Variants in AFF3 observed in about 807,000 individuals in gnomAD.
AFF3 encodes the protein ALF transcription elongation factor 3, also known as AF4/FMR2 family member 3.
In AFF3, 32 loss-of-function variants were observed where a neutral mutation model predicts 129.7. The observed-to-expected ratio is 0.25, with a 90% CI of 0.19 to 0.33. The LOEUF (loss-of-function observed/expected upper bound fraction) is 0.33. Ranked by LOEUF, AFF3 falls within the 10% of genes least tolerant of loss-of-function variation. AFF3 has a pLI of 1.00. For missense variants in AFF3, 1,373 were observed against 1,592.0 expected, an observed-to-expected ratio of 0.86 and a Z score of 2.34; for synonymous variants, 644 against 635.4, an observed-to-expected ratio of 1.01 and a Z score of -0.20.
chr2:99,660,871 TG>T (rs1233939281), intron 12 of AFF3, among the ~76,000 whole-genome samples: 1 of 152,222 alleles, frequency 6.6e-6, no homozygotes, highest in Admixed American at 6.5e-5. Context: ...GGACCTTGAA[TG>T]ATCACACATG....
At chr2:99,750,997 A>ATCAAC (rs1441282230) in intron 9 of AFF3, among the ~76,000 whole-genome samples, 2 of 152,250 alleles carry the variant, frequency 1.3e-5, no homozygotes, top group Non-Finnish European at 2.9e-5. Flanking sequence ...TGTAAGAAAA[A>ATCAAC]TCAACTCTTA....
chr2:99,845,810 T>C (rs1372118045), intron 7 of AFF3, among the ~76,000 whole-genome samples: 1 of 152,154 alleles, frequency 6.6e-6, no homozygotes, highest in Admixed American at 6.5e-5. Context: ...TTTTCCTGAA[T>C]CTTTATTTTA....
intron 4 of AFF3, among the ~76,000 whole-genome samples, chr2:100,014,265 T>C (rs941072762): frequency 1.3e-5 from 2 of 152,164 alleles, no homozygotes; most frequent in African/African-American, 4.8e-5. Context: ...ACTACTGATA[T>C]GTCTCCAGGG....
chr2:100,099,365 T>A (rs1690542763), intron 4 of AFF3, among the ~76,000 whole-genome samples: 1 of 152,216 alleles, frequency 6.6e-6, no homozygotes, highest in Non-Finnish European at 1.5e-5. Context: ...GCATGCCCCC[T>A]GGCAGTTGAT....
intron 11 of AFF3, among the ~76,000 whole-genome samples, chr2:99,725,292 A>T (rs1340229139): frequency 6.6e-6 from 1 of 151,904 alleles, no homozygotes; most frequent in Non-Finnish European, 1.5e-5. Context: ...ATTTTCATAG[A>T]TGTTATAAGA....
At chr2:99,649,028 C>CA (rs1376670799) in intron 13 of AFF3, among the ~76,000 whole-genome samples, 6 of 152,048 alleles carry the variant, frequency 3.9e-5, no homozygotes, top group African/African-American at 1.4e-4. Context: ...TACATACCCA[C>CA]ATTCAACTAT....
rs35944169 is a variant in AFF3 at position 99,681,908 on chromosome 2, AT to A, written c.1092-9320del. Among the ~76,000 whole-genome samples, 143 of 139,506 alleles carry A rather than the reference AT, an allele frequency of 1.0e-3. 2 individuals are homozygous for A. The highest frequency in any genetic ancestry group is 2.7e-3 in the African/African-American group (99 of 37,224). The allele number at this position is 139,506 out of a possible 152,430, so 91.5% of individuals were successfully genotyped here. On this transcript the variant is annotated intron_variant, in intron 11 of 24. Transcript: ENST00000672756. ...GGTTGAGAACCACTGCCTTAATTCT[AT>A]TTTTTTTTTTTTTTTGAGACGGAGT...
At chr2:100,127,742 G>T (rs757575644) in intron 2 of AFF3, among the ~76,000 whole-genome samples, 1 of 152,170 alleles carries the variant, frequency 6.6e-6, no homozygotes, top group Admixed American at 6.5e-5. Context: ...AGTTCTTCAC[G>T]GAGTAGGTAG....
intron 4 of AFF3, among the ~76,000 whole-genome samples, chr2:100,102,090 G>C (rs1417239894): frequency 6.6e-6 from 1 of 151,988 alleles, no homozygotes; most frequent in Non-Finnish European, 1.5e-5. Context: ...ATTCAAATAA[G>C]AAAACAATGG....
In AFF3 at chr2:99,727,087, A is replaced by G. The variant is rs1679418691; in HGVS notation, c.1081T>C (p.Ser361Pro). The G allele has an allele frequency of 1.2e-6, 2 of 1,605,868 alleles. No homozygotes were observed. Among genetic ancestry groups the G allele is most frequent in the Non-Finnish European group, 1.7e-6 (2 of 1,177,970 alleles). ...ATGAAAGAAACTTACGATGTATTCGATGTGCCATTGTCTGGACTCTCTGGC... is the reference window on the plus strand; with the variant it reads ...ATGAAAGAAACTTACGATGTATTCGGTGTGCCATTGTCTGGACTCTCTGGC... ...AEPESPDNGT[S>P]NTSMLEDDLK... The change falls in exon 11 of 25, where the codon TCG (serine) becomes CCG (proline). Residue 361 changes from serine to proline, a missense_variant. Ser to Pro is a moderately conservative substitution (Grantham distance 74, BLOSUM62 -1). Transcript: ENST00000672756.
At chr2:99,720,023 C>T (rs1393239835) in intron 11 of AFF3, among the ~76,000 whole-genome samples, 3 of 152,014 alleles carry the variant, frequency 2.0e-5, no homozygotes, top group Non-Finnish European at 2.9e-5. Flanking sequence ...GGTGACAGAG[C>T]GAGACTCCGT....
rs770606453 is a variant in AFF3 at position 99,672,520 on chromosome 2, CAT to C, written c.1143+16_1143+17del. 1 of 1,612,732 alleles carries C rather than the reference CAT, an allele frequency of 6.2e-7. No individual in the cohort carries two copies. Among genetic ancestry groups the C allele is most frequent in the African/African-American group, 1.3e-5 (1 of 74,990 alleles). ...CAGTGTCACCTCCAAAGGATGATGA[CAT>C]AAAAGAGAATCTTACCTGTTCATTC... On this transcript the variant is annotated intron_variant, in intron 12 of 24. Coordinates refer to ENST00000672756, the MANE Select transcript of AFF3 (RefSeq NM_001386135.1).
At chr2:99,649,604 T>A in intron 13 of AFF3, 22 bp downstream of exon 13, 1 of 1,611,976 alleles carries the variant, frequency 6.2e-7, no homozygotes, top group Non-Finnish European at 8.5e-7. Flanking sequence ...AATTTATAGT[T>A]CATAAAAATG....
At chr2:99,742,221 G>A (rs1680777822) in intron 10 of AFF3, among the ~76,000 whole-genome samples, 1 of 152,116 alleles carries the variant, frequency 6.6e-6, no homozygotes, top group Non-Finnish European at 1.5e-5. Context: ...GTATGTGCCT[G>A]TAGTCCTGGC....
At chr2:100,025,133 T>G (rs1007176331) in intron 4 of AFF3, among the ~76,000 whole-genome samples, 3 of 152,084 alleles carry the variant, frequency 2.0e-5, no homozygotes, top group African/African-American at 7.2e-5. Flanking sequence ...ACCAGGATCC[T>G]GGCTTTCCCT....
At chr2:99,837,949 T>C (rs981347121) in intron 7 of AFF3, among the ~76,000 whole-genome samples, 2 of 152,210 alleles carry the variant, frequency 1.3e-5, no homozygotes, top group Admixed American at 6.5e-5. Flanking sequence ...CAATGGTTGC[T>C]ACGGCTTAAG....
chr2:99,774,345 T>G (rs1683724745), intron 8 of AFF3, among the ~76,000 whole-genome samples: 1 of 152,122 alleles, frequency 6.6e-6, no homozygotes, highest in Non-Finnish European at 1.5e-5. Flanking sequence ...TAAACTATAA[T>G]ACAAGACTAC....
chr2:100,107,274 T>C, intron 2 of AFF3: 1 of 985,386 alleles, frequency 1.0e-6, no homozygotes, highest in Non-Finnish European at 1.2e-6. Context: ...AGTGAGAGCC[T>C]TTATGGGAGA....
Position 99,594,149 on chromosome 2 carries a change from G to T in AFF3, c.1512C>A (p.Val504=). 1 of 1,614,162 alleles carries T rather than the reference G, an allele frequency of 6.2e-7. No homozygotes were observed. The highest frequency in any genetic ancestry group is 1.1e-5 in the South Asian group (1 of 91,080). Residue 504 remains valine, a synonymous_variant, in exon 15 of 25, where the codon GTC becomes GTA. Transcript: ENST00000672756. ...CGTCGGGGACTTTCCCACAGTCCTGGACGTCCTCTTTCACCGGGTTGTAGT... is the reference window on the plus strand; with the variant it reads ...CGTCGGGGACTTTCCCACAGTCCTGTACGTCCTCTTTCACCGGGTTGTAGT... The part of the protein sequence containing the change: ...NQYYNPVKED[V]QDCGKVPDVC...
Sources: gnomAD v4.1 joint callset for allele counts (sites outside exome capture counted in the v4.1 genomes callset) on GRCh38, gnomAD v4.1.1 for gene constraint, MANE v1.5 for transcripts, NCBI Gene and HGNC (gene_info 2026-07-23, HGNC 2026-07-21) for gene names.